Variants in FBRSL1 observed in about 807,000 individuals in gnomAD.
FBRSL1 encodes the protein fibrosin-1-like protein.
FBRSL1 carries 51 observed loss-of-function variants against 89.6 expected under a neutral mutation model. The observed-to-expected ratio is 0.57, with a 90% CI of 0.45 to 0.72. FBRSL1 has a LOEUF of 0.72. FBRSL1 is among the 30% of genes least tolerant of loss of function. FBRSL1 has a pLI of 0.00. For synonymous variants in FBRSL1, 779 were observed against 681.1 expected (o/e 1.14, Z -2.24); for missense variants, 1,618 against 1,451.8 (o/e 1.11, Z -1.86).
Position 132,582,146 on chromosome 12 carries a change from A to G in FBRSL1, c.2081A>G (p.His694Arg), listed in dbSNP as rs1300227776. 1 of 1,549,782 alleles carries G rather than the reference A, an allele frequency of 6.5e-7. No individual in the cohort carries two copies. Among genetic ancestry groups the G allele is most frequent in the East Asian group, 2.4e-5 (1 of 40,902 alleles). ...PSPHEAWNRLHRAPPSFPAPP... is the reference protein window; with the variant it reads ...PSPHEAWNRLRRAPPSFPAPP... Reference sequence around the variant, plus strand: ...CCCCATGAGGCCTGGAACCGACTGCACCGGGCACCGCCCTCCTTCCCGGCT... The same window carrying G: ...CCCCATGAGGCCTGGAACCGACTGCGCCGGGCACCGCCCTCCTTCCCGGCT... Residue 694 changes from histidine to arginine, a missense_variant, in exon 18 of 19, where the codon CAC (histidine) becomes CGC (arginine). His to Arg is a conservative substitution (Grantham distance 29, BLOSUM62 0). Transcript: ENST00000680143.
In FBRSL1 at chr12:132,541,782, G is replaced by A. The variant is rs558470671; in HGVS notation, c.616-6221G>A. ...CATTGCATATCCCGCCCGAGCGTGC[G>A]GCCCAAATGAAGGTGGGCCCCTTGG... On this transcript the variant is annotated intron_variant, in intron 4 of 18. Coordinates refer to ENST00000680143, the MANE Select transcript of FBRSL1 (RefSeq NM_001367871.1). Among the ~76,000 whole-genome samples, 177 of 152,360 alleles carry A rather than the reference G, an allele frequency of 1.2e-3. 1 individual carries two copies. The highest frequency in any genetic ancestry group is 4.0e-3 in the African/African-American group (166 of 41,590).
chr12:132,583,046 CCTG>C lies in FBRSL1; in HGVS notation c.2280_2282del (p.Leu761del). On this transcript the variant is annotated inframe_deletion, in exon 19 of 19. Transcript: ENST00000680143. ...CCGCTGGCCACCCCGTCAGCGGCCT[CCTG>C]CTCCGGGCCCAGAGCGAGCTGGGCC... 1 of 1,453,790 alleles carries C rather than the reference CCTG, an allele frequency of 6.9e-7. No homozygotes were observed. The highest frequency in any genetic ancestry group is 9.0e-7 in the Non-Finnish European group (1 of 1,110,688). The allele number at this position is 1,453,790 out of a possible 1,614,324, so 90.1% of individuals were successfully genotyped here.
At chr12:132,509,331 C>G in intron 2 of FBRSL1, 2 of 1,248,082 alleles carry the variant, frequency 1.6e-6, no homozygotes, top group Non-Finnish European at 2.0e-6. Context: ...GCCCTCCCAG[C>G]GGCCACTCCT....
At chr12:132,571,819 C>T (rs923131796) in intron 9 of FBRSL1, 1 of 325,236 alleles carries the variant, frequency 3.1e-6, no homozygotes, top group Non-Finnish European at 5.5e-6. Context: ...GCTGGAGGCC[C>T]AGACAGGCCT....
At position 132,567,446 on chromosome 12, in the gene FBRSL1, C is replaced by G. The variant is rs945499642; in HGVS notation, c.646-35C>G. 3 of 1,549,950 alleles carry G rather than the reference C, an allele frequency of 1.9e-6. No homozygotes were observed. The African/African-American group carries it at 4.1e-5, about 21-fold the overall frequency. On this transcript the variant is annotated intron_variant, in intron 5 of 18. Coordinates refer to ENST00000680143, the MANE Select transcript of FBRSL1 (RefSeq NM_001367871.1). Reference sequence around the variant, plus strand: ...CAAGGTCCACGAGGATGAGGACCACCCTGACTGCCCCTGACCCCCCTTCTC... The same window carrying G: ...CAAGGTCCACGAGGATGAGGACCACGCTGACTGCCCCTGACCCCCCTTCTC...
intron 3 of FBRSL1, among the ~76,000 whole-genome samples, chr12:132,526,741 T>A (rs1446487657): frequency 6.6e-6 from 1 of 152,118 alleles, no homozygotes; most frequent in Admixed American, 6.5e-5. Context: ...GAGGGGGTGT[T>A]GGATCTTTGC....
intron 5 of FBRSL1, among the ~76,000 whole-genome samples, chr12:132,564,228 C>T (rs1182744537): frequency 6.6e-6 from 1 of 152,192 alleles, no homozygotes; most frequent in East Asian, 1.9e-4. Flanking sequence ...CCACACCAGG[C>T]CCCGGTGGAC....
intron 2 of FBRSL1, among the ~76,000 whole-genome samples, chr12:132,523,049 T>G (rs960022980): frequency 6.6e-6 from 1 of 151,612 alleles, no homozygotes; most frequent in Non-Finnish European, 1.5e-5. Flanking sequence ...AAGGCTGGGG[T>G]GGGCACAGGT....
At position 132,546,845 on chromosome 12, in the gene FBRSL1, G is replaced by T. The variant is rs1484936548; in HGVS notation, c.616-1158G>T. On this transcript the variant is annotated intron_variant, in intron 4 of 18. Transcript: ENST00000680143. The surrounding 1 kb of genome is among the most constrained non-coding windows in gnomAD (Gnocchi z 4.0). ...CTCGCTGCAGAGTGTCTGCTAAAGC[G>T]CATTTCACACCGTACTGTGAGCTCC... 6.6e-6 allele frequency among the ~76,000 whole-genome samples: 1 copy of T among 152,224 alleles called. No individual in the cohort carries two copies. Among genetic ancestry groups the T allele is most frequent in the Admixed American group, 6.5e-5 (1 of 15,282 alleles).
Position 132,534,011 on chromosome 12 carries a change from C to T in FBRSL1, c.615+6023C>T, listed in dbSNP as rs888006017. 1.2e-4 allele frequency among the ~76,000 whole-genome samples: 18 copies of T among 152,196 alleles called. No individual in the cohort carries two copies. In the East Asian group the frequency reaches 2.7e-3, roughly 23 times the overall value. ...AGGGAGGGGTGCAGGGGAGCTGGGC[C>T]GTAGAGGATGGGAGGCTGTGCAGAT... On this transcript the variant is annotated intron_variant, in intron 4 of 18. Coordinates refer to ENST00000680143, the MANE Select transcript of FBRSL1 (RefSeq NM_001367871.1).
At position 132,571,107 on chromosome 12, in the gene FBRSL1, A is replaced by C; in HGVS notation, c.1253A>C (p.Tyr418Ser). Residue 418 changes from tyrosine to serine, a missense_variant, in exon 9 of 19, where the codon TAT becomes TCT. Physicochemically the swap from Tyr to Ser is moderately radical, Grantham distance 144. Coordinates refer to ENST00000680143, the MANE Select transcript of FBRSL1 (RefSeq NM_001367871.1). ...GTCTCATTCAGCCAGCCAATCATGT[A>C]TTGCCAGCCTCATTCGGGAATTCTG... ...LAVSFSQPIM[Y>S]CQPHSGILIG... 7.3e-7 allele frequency: 1 copy of C among 1,366,526 alleles called. No individual in the cohort carries two copies. Among genetic ancestry groups the C allele is most frequent in the Non-Finnish European group, 9.4e-7 (1 of 1,061,612 alleles). 84.7% of individuals were successfully genotyped at this position (1,366,526 alleles called of 1,614,324 possible).
chr12:132,498,704 C>T (rs146834018), intron 1 of FBRSL1, among the ~76,000 whole-genome samples: 64 of 152,346 alleles, frequency 4.2e-4, no homozygotes, highest in African/African-American at 1.4e-3. Context: ...GGCGGCCCTG[C>T]GTGGGCCTTG....
At position 132,581,734 on chromosome 12, in the gene FBRSL1, C is replaced by T; in HGVS notation, c.1913-7C>T. On this transcript the variant is annotated splice_region_variant and splice_polypyrimidine_tract_variant and intron_variant, in intron 16 of 18. Transcript: ENST00000680143. ...CAGACCTCTGGGTCCCGCGGTTGCCCCCACAGACCCTTTCAGCAGACCGAG... is the reference window on the plus strand; with the variant it reads ...CAGACCTCTGGGTCCCGCGGTTGCCTCCACAGACCCTTTCAGCAGACCGAG... 1 of 1,550,142 alleles carries T rather than the reference C, an allele frequency of 6.5e-7. No homozygotes were observed. The highest frequency in any genetic ancestry group is 8.7e-7 in the Non-Finnish European group (1 of 1,146,812).
rs2034361454 is a variant in FBRSL1 at position 132,511,708 on chromosome 12, C to CCAGGCCAGGCAGCTGCTGACCTCCAG, written c.489+3361_489+3386dup. 3.0e-6 allele frequency: 3 copies of CCAGGCCAGGCAGCTGCTGACCTCCAG among 985,164 alleles called. No homozygotes were observed. In the Admixed American group the frequency reaches 1.8e-4, roughly 61 times the overall value. 61.0% of individuals were successfully genotyped at this position (985,164 alleles called of 1,614,324 possible). A position where few individuals can be genotyped will look rare whatever the true frequency, so the allele number is the denominator to read the frequency against. ...GGAAGGGGATGGGTGTCCCTGGCTC[C>CCAGGCCAGGCAGCTGCTGACCTCCAG]CAGGCCAGGCAGCTGCTGACCTCCA... On this transcript the variant is annotated intron_variant, in intron 2 of 18. Transcript: ENST00000680143.
chr12:132,580,744 CTGGG>C (rs2040688453), intron 15 of FBRSL1: 1 of 984,464 alleles, frequency 1.0e-6, no homozygotes, highest in South Asian at 4.7e-5. Flanking sequence ...AAGATTAGGG[CTGGG>C]AGGGAGTCGG....
chr12:132,570,148 A>T lies in FBRSL1; in HGVS notation c.914A>T (p.Gln305Leu). 2.7e-6 allele frequency: 4 copies of T among 1,480,262 alleles called. No individual in the cohort carries two copies. The highest frequency in any genetic ancestry group is 3.6e-6 in the Non-Finnish European group (4 of 1,125,338). 91.7% of individuals were successfully genotyped at this position (1,480,262 alleles called of 1,614,324 possible). A position where few individuals can be genotyped will look rare whatever the true frequency, so the allele number is the denominator to read the frequency against. The part of the protein sequence containing the change: ...HRHTPQPPPP[Q>L]PRGLLPTHVP... ...CACACCCCGCAGCCGCCACCCCCGC[A>T]GCCCCGCGGCCTGCTCCCGACACAC... The change falls in exon 7 of 19, where the codon CAG (glutamine) becomes CTG (leucine). Residue 305 changes from glutamine (Q) to leucine (L), a missense_variant. Physicochemically the swap from Gln to Leu is moderately radical, Grantham distance 113. Coordinates refer to ENST00000680143, the MANE Select transcript of FBRSL1 (RefSeq NM_001367871.1).
intron 1 of FBRSL1, among the ~76,000 whole-genome samples, chr12:132,496,285 G>A (rs916069820): frequency 1.3e-5 from 2 of 152,188 alleles, no homozygotes; most frequent in African/African-American, 2.4e-5. Context: ...CCAGACGTCC[G>A]CCATATCCCG....
At chr12:132,582,492 C>G (rs1014822033) in intron 18 of FBRSL1, among the ~76,000 whole-genome samples, 3 of 151,534 alleles carry the variant, frequency 2.0e-5, no homozygotes, top group Non-Finnish European at 2.9e-5. Flanking sequence ...CTGCTGAGCC[C>G]CGGGGTACGG....
At chr12:132,572,167 G>A (rs183151602) in intron 9 of FBRSL1, 121 bp from the exon 10 acceptor site, 58 of 875,412 alleles carry the variant, frequency 6.6e-5, no homozygotes, top group African/African-American at 5.6e-4. Flanking sequence ...GGCCGAAGCC[G>A]CCAGCCTCAG....
Sources: allele counts gnomAD v4.1 joint callset (sites outside exome capture counted in the v4.1 genomes callset), GRCh38; gene constraint gnomAD v4.1.1; non-coding constraint Gnocchi (gnomAD v3.1); transcripts MANE v1.5; gene names NCBI Gene and HGNC (gene_info 2026-07-23, HGNC 2026-07-21).